The following GFRA1 variants were observed in gnomAD, a reference collection of about 807,000 sequenced individuals.
GFRA1 encodes the protein GDNF family receptor alpha 1, also known as GDNF family receptor alpha-1.
A neutral mutation model predicts 51.6 loss-of-function variants in GFRA1; 16 were observed. The ratio of observed to expected loss-of-function variants is 0.31; its 90% CI spans 0.21 to 0.47. The LOEUF is 0.47. Ranked by LOEUF, GFRA1 falls within the 20% of genes least tolerant of loss-of-function variation. The probability of loss-of-function intolerance (pLI) is 1.00; values close to 1 mark genes in which losing one functional copy is unlikely to be tolerated. For synonymous variants in GFRA1, 270 were observed against 241.3 expected (o/e 1.12, Z -1.10); for missense variants, 530 against 594.3 (o/e 0.89, Z 1.13).
chr10:116,201,913 C>T (rs749065218), intron 5 of GFRA1, among the ~76,000 whole-genome samples: 4 of 152,180 alleles, frequency 2.6e-5, no homozygotes, highest in Non-Finnish European at 1.5e-5. Context: ...TTTGGATTCA[C>T]TGTCAACATG....
chr10:116,193,912 G>A (rs1963491080), intron 5 of GFRA1, among the ~76,000 whole-genome samples: 1 of 151,962 alleles, frequency 6.6e-6, no homozygotes, highest in African/African-American at 2.4e-5. Flanking sequence ...GGTGGAGGGT[G>A]CCTGTAGTCC....
chr10:116,144,157 G>A (rs1958692808), intron 5 of GFRA1, among the ~76,000 whole-genome samples: 1 of 152,174 alleles, frequency 6.6e-6, no homozygotes, highest in South Asian at 2.1e-4. Flanking sequence ...AAGAAATATT[G>A]TACTGCTAAA....
At chr10:116,133,990 C>G (rs1431655466) in intron 5 of GFRA1, among the ~76,000 whole-genome samples, 1 of 152,174 alleles carries the variant, frequency 6.6e-6, no homozygotes, top group Non-Finnish European at 1.5e-5. Flanking sequence ...TTAGAAAATG[C>G]CACCGTTATT....
chr10:116,231,895 G>A (rs868341543), intron 4 of GFRA1, among the ~76,000 whole-genome samples: 12 of 152,214 alleles, frequency 7.9e-5, no homozygotes, highest in South Asian at 4.2e-4. Flanking sequence ...CACTTCCTTC[G>A]GCAAGTAGGA....
At chr10:116,199,460 A>C (rs1249355929) in intron 5 of GFRA1, among the ~76,000 whole-genome samples, 2 of 152,170 alleles carry the variant, frequency 1.3e-5, no homozygotes, top group Admixed American at 6.5e-5. Context: ...AAGTTTTCAA[A>C]TATGTAGCAA....
rs189310884 is a variant in GFRA1, at chr10:116,116,907, C to A, written c.770+8314G>T. Among the ~76,000 whole-genome samples the A allele has an allele frequency of 1.4e-3, 208 of 152,316 alleles. 1 individual carries two copies. Among genetic ancestry groups the A allele is most frequent in the Non-Finnish European group, 2.5e-3 (170 of 68,034 alleles). On this transcript the variant is annotated intron_variant, in intron 6 of 10. Coordinates refer to ENST00000355422, the MANE Select transcript of GFRA1 (RefSeq NM_005264.8). Reference sequence around the variant, plus strand: ...ACTGATGCTGTCTTAGTTGCTGAGCCATAAAGAGTGTCTGGATTCAGAGGC... The same window carrying A: ...ACTGATGCTGTCTTAGTTGCTGAGCAATAAAGAGTGTCTGGATTCAGAGGC...
At chr10:116,179,962 C>T (rs1231481341) in intron 5 of GFRA1, among the ~76,000 whole-genome samples, 3 of 152,128 alleles carry the variant, frequency 2.0e-5, no homozygotes, top group Non-Finnish European at 2.9e-5. Flanking sequence ...TGCTTGGTGT[C>T]ACCCACCAAG....
At chr10:116,119,026 A>C (rs950524098) in intron 6 of GFRA1, among the ~76,000 whole-genome samples, 3 of 152,198 alleles carry the variant, frequency 2.0e-5, no homozygotes, top group Non-Finnish European at 4.4e-5. Flanking sequence ...GGCAGGTCAT[A>C]GCTGGCTCCT....
chr10:116,094,662 G>A (rs1956499746), intron 7 of GFRA1, among the ~76,000 whole-genome samples: 1 of 152,128 alleles, frequency 6.6e-6, no homozygotes, highest in African/African-American at 2.4e-5. Context: ...AGTAATAGGT[G>A]GTCAGTAGTC....
At chr10:116,268,408 G>A (rs1297275804) in intron 4 of GFRA1, among the ~76,000 whole-genome samples, 1 of 152,100 alleles carries the variant, frequency 6.6e-6, no homozygotes, top group Non-Finnish European at 1.5e-5. Context: ...TCAGTTCCTG[G>A]CTATCTCTAA....
chr10:116,156,897 T>C (rs1325722224), intron 5 of GFRA1, among the ~76,000 whole-genome samples: 2 of 152,178 alleles, frequency 1.3e-5, no homozygotes, highest in Non-Finnish European at 2.9e-5. Context: ...CCCAACGCAT[T>C]GCAAGGGGGT....
chr10:116,064,057 TGATCATCATCATGATCATG>T lies in GFRA1; in HGVS notation c.*322_*340del, dbSNP rs1954963112. ...GTTAAAATCATCATCATGATCATGA[TGATCATCATCATGATCATG>T]ATGATCATCATCATGATCATCATCA... On this transcript the variant is annotated 3_prime_UTR_variant, in exon 11 of 11. Coordinates refer to ENST00000355422, the MANE Select transcript of GFRA1 (RefSeq NM_005264.8). 7 of 114,542 alleles carry T rather than the reference TGATCATCATCATGATCATG, an allele frequency of 6.1e-5. No individual in the cohort carries two copies. The South Asian group carries it at 7.0e-4, about 11-fold the overall frequency. 7.1% of individuals were successfully genotyped at this position (114,542 alleles called of 1,614,324 possible). A position where few individuals can be genotyped will look rare whatever the true frequency, so the allele number is the denominator to read the frequency against.
At chr10:116,118,062 C>T (rs1017692486) in intron 6 of GFRA1, among the ~76,000 whole-genome samples, 1 of 152,154 alleles carries the variant, frequency 6.6e-6, no homozygotes, top group Non-Finnish European at 1.5e-5. Context: ...TCTTACCAAG[C>T]ATCTTTAACA....
chr10:116,218,540 G>A (rs1259821709), intron 4 of GFRA1, among the ~76,000 whole-genome samples: 2 of 152,194 alleles, frequency 1.3e-5, no homozygotes, highest in Non-Finnish European at 2.9e-5. Flanking sequence ...AGAGTCCAGA[G>A]CTCCTCCAGA....
intron 6 of GFRA1, among the ~76,000 whole-genome samples, chr10:116,123,465 T>A (rs903787734): frequency 2.0e-5 from 3 of 152,238 alleles, no homozygotes; most frequent in African/African-American, 7.2e-5. Flanking sequence ...GTTATACAGA[T>A]GACAAGGACT....
At chr10:116,187,281 G>C (rs887632208) in intron 5 of GFRA1, among the ~76,000 whole-genome samples, 1 of 152,102 alleles carries the variant, frequency 6.6e-6, no homozygotes, top group African/African-American at 2.4e-5. Flanking sequence ...ATGTCCATTT[G>C]AGGTCATGAG....
chr10:116,230,208 G>A (rs981685883), intron 4 of GFRA1, among the ~76,000 whole-genome samples: 1 of 152,168 alleles, frequency 6.6e-6, no homozygotes, highest in East Asian at 1.9e-4. Flanking sequence ...CTAACCAAAA[G>A]GATACCTGAT....
intron 5 of GFRA1, among the ~76,000 whole-genome samples, chr10:116,144,439 C>T (rs1287291789): frequency 6.6e-6 from 1 of 151,924 alleles, no homozygotes; most frequent in Admixed American, 6.6e-5. Flanking sequence ...AAATGCTGTG[C>T]TAGTTACCTA....
At chr10:116,163,170 G>A (rs1220952603) in intron 5 of GFRA1, among the ~76,000 whole-genome samples, 1 of 152,114 alleles carries the variant, frequency 6.6e-6, no homozygotes, top group East Asian at 1.9e-4. Context: ...GTTATTCTCT[G>A]GCTCTAAGGA....
Sources: allele counts gnomAD v4.1 joint callset (sites outside exome capture counted in the v4.1 genomes callset), GRCh38; gene constraint gnomAD v4.1.1; transcripts MANE v1.5; gene names NCBI Gene and HGNC (gene_info 2026-07-23, HGNC 2026-07-21).